The following CD36 variants were observed in gnomAD, a reference collection of about 807,000 sequenced individuals.
CD36 encodes platelet glycoprotein 4.
A neutral mutation model predicts 55.2 loss-of-function variants in CD36; 119 were observed. That is an observed-to-expected ratio of 2.15 (90% CI 1.86 to 2.51). The LOEUF is 2.51. Ranked by LOEUF, CD36 falls within the 30% of genes most tolerant of loss-of-function variation. CD36 has a pLI of 0.00. For missense variants in CD36, 819 were observed against 555.5 expected, an observed-to-expected ratio of 1.47 and a Z score of -4.77; for synonymous variants, 186 against 193.6, an observed-to-expected ratio of 0.96 and a Z score of 0.33.
intron 3 of CD36, among the ~76,000 whole-genome samples, chr7:80,655,189 C>T (rs1356966540): frequency 6.6e-6 from 1 of 152,190 alleles, no homozygotes; most frequent in Non-Finnish European, 1.5e-5. Context: ...TCCTGTAGCA[C>T]ACTCAGGTTA....
At chr7:80,621,853 C>G (rs1263186992) in intron 1 of CD36, among the ~76,000 whole-genome samples, 1 of 152,200 alleles carries the variant, frequency 6.6e-6, no homozygotes, top group African/African-American at 2.4e-5. Context: ...AATCCCACCT[C>G]TAGCCGAAGA....
At chr7:80,606,797 G>C (rs140951723) in intron 1 of CD36, among the ~76,000 whole-genome samples, 1 of 152,056 alleles carries the variant, frequency 6.6e-6, no homozygotes, top group African/African-American at 2.4e-5. Context: ...GCCTAGTCAC[G>C]TATCCCCTCA....
chr7:80,665,323 G>A (rs1243715096), intron 7 of CD36, among the ~76,000 whole-genome samples: 2 of 151,776 alleles, frequency 1.3e-5, no homozygotes, highest in African/African-American at 2.4e-5. Flanking sequence ...ATTAACAATT[G>A]TGTGTTTGAC....
chr7:80,633,031 C>T (rs1409825854), intron 1 of CD36, among the ~76,000 whole-genome samples: 3 of 151,964 alleles, frequency 2.0e-5, no homozygotes, highest in Non-Finnish European at 1.5e-5. Context: ...TTTCATCACA[C>T]CATGCTTTGA....
intron 3 of CD36, among the ~76,000 whole-genome samples, chr7:80,651,246 G>A (rs1328269838): frequency 2.6e-5 from 4 of 152,044 alleles, no homozygotes; most frequent in South Asian, 2.1e-4. Context: ...AGGGTGGGAA[G>A]GGGGAGGAGA....
chr7:80,625,212 G>A (rs1186377074), intron 1 of CD36, among the ~76,000 whole-genome samples: 1 of 151,988 alleles, frequency 6.6e-6, no homozygotes, highest in East Asian at 1.9e-4. Flanking sequence ...GAATGATACT[G>A]GGAAATATAG....
At chr7:80,645,804 A>G (rs1390473868) in intron 1 of CD36, among the ~76,000 whole-genome samples, 1 of 151,476 alleles carries the variant, frequency 6.6e-6, no homozygotes, top group African/African-American at 2.4e-5. Context: ...GAGCAATGCC[A>G]TGGTTGAAAC....
At chr7:80,626,722 T>C (rs1337103437) in intron 1 of CD36, among the ~76,000 whole-genome samples, 1 of 152,102 alleles carries the variant, frequency 6.6e-6, no homozygotes, top group Non-Finnish European at 1.5e-5. Flanking sequence ...AGAAAACCAC[T>C]TTACTTGAAA....
chr7:80,664,196 T>C (rs1303509901), intron 6 of CD36, among the ~76,000 whole-genome samples: 1 of 152,160 alleles, frequency 6.6e-6, no homozygotes, highest in Non-Finnish European at 1.5e-5. Flanking sequence ...TGTCAGCTTC[T>C]GATATGTATC....
At chr7:80,627,961 T>C (rs1793842835) in intron 1 of CD36, among the ~76,000 whole-genome samples, 1 of 152,034 alleles carries the variant, frequency 6.6e-6, no homozygotes. Context: ...ATAATCAAAC[T>C]ATTTACCTGT....
chr7:80,603,305 A>G (rs1465314991), intron 1 of CD36, among the ~76,000 whole-genome samples: 3 of 152,166 alleles, frequency 2.0e-5, no homozygotes, highest in Non-Finnish European at 4.4e-5. Flanking sequence ...GAAAAGAATT[A>G]GATAGGCTTC....
chr7:80,627,147 C>G (rs891880390), intron 1 of CD36, among the ~76,000 whole-genome samples: 5 of 152,046 alleles, frequency 3.3e-5, no homozygotes, highest in Middle Eastern at 3.2e-3. Context: ...TTGAAAGAAT[C>G]AGTCTGACTC....
chr7:80,669,622 A>G lies in CD36; in HGVS notation c.749-331A>G, dbSNP rs114607565. On this transcript the variant is annotated intron_variant, in intron 8 of 14. Coordinates refer to ENST00000447544, the MANE Select transcript of CD36 (RefSeq NM_001001548.3). ...CCTGCCTCAGGATAGCTGCCTCCCA[A>G]GTAGCTGGGATTACAAGCGCCTACC... is the stretch of plus-strand genomic sequence containing the variant. 5.2e-3 allele frequency among the ~76,000 whole-genome samples: 783 copies of G among 152,006 alleles called. 5 individuals carry two copies. The highest frequency in any genetic ancestry group is 0.018 in the African/African-American group (739 of 41,482).
At chr7:80,664,951 A>G (rs1389014845) in intron 7 of CD36, among the ~76,000 whole-genome samples, 3 of 151,916 alleles carry the variant, frequency 2.0e-5, no homozygotes, top group African/African-American at 4.8e-5. Context: ...TTCCAGTGGC[A>G]TGACCTAAAT....
At chr7:80,636,382 T>C (rs1471836897), upstream of CD36, among the ~76,000 whole-genome samples, 2 of 152,064 alleles carry the variant, frequency 1.3e-5, no homozygotes, top group African/African-American at 4.8e-5. Flanking sequence ...TTACAGTGTA[T>C]ACACATGTCA....
chr7:80,629,221 G>T (rs1793925149), intron 1 of CD36, among the ~76,000 whole-genome samples: 1 of 151,992 alleles, frequency 6.6e-6, no homozygotes, highest in South Asian at 2.1e-4. Flanking sequence ...TCCTTATTTG[G>T]ATGGTAGGTT....
intron 7 of CD36, among the ~76,000 whole-genome samples, chr7:80,665,413 C>CTCAAACTGAGTCTGTCTAATGATTGCTTT (rs1796979107): frequency 2.0e-5 from 3 of 151,010 alleles, no homozygotes; most frequent in Non-Finnish European, 3.0e-5. Flanking sequence ...TAACCCCTAC[C>CTCAAACTGAGTCTGTCTAATGATTGCTTT]TCAAACTGAG....
intron 7 of CD36, 37 bp downstream of exon 7, chr7:80,664,534 G>A (rs532589697): frequency 8.3e-6 from 9 of 1,080,770 alleles, no homozygotes; most frequent in Admixed American, 5.1e-5. Flanking sequence ...TATGTTACTA[G>A]GGTACTCTTA....
intron 1 of CD36, among the ~76,000 whole-genome samples, chr7:80,641,532 A>G (rs1426013402): frequency 6.6e-6 from 1 of 152,064 alleles, no homozygotes; most frequent in Non-Finnish European, 1.5e-5. Flanking sequence ...TTTCTATCCT[A>G]AGAAAAAGTG....
Sources: allele counts gnomAD v4.1 joint callset (sites outside exome capture counted in the v4.1 genomes callset), GRCh38; gene constraint gnomAD v4.1.1; transcripts MANE v1.5; gene names NCBI Gene and HGNC (gene_info 2026-07-23, HGNC 2026-07-21).